Variants in FOXP1 observed in about 807,000 individuals in gnomAD.
The protein encoded by FOXP1 is forkhead box protein P1.
FOXP1 carries 15 observed loss-of-function variants against 98.2 expected under a neutral mutation model. The observed-to-expected ratio is 0.15, with a 90% confidence interval of 0.10 to 0.24. The LOEUF is 0.24. Among genes scored for constraint, FOXP1 ranks in the 10% least tolerant of loss-of-function variants. The probability of loss-of-function intolerance (pLI) is 1.00; values close to 1 mark genes in which losing one functional copy is unlikely to be tolerated. For synonymous variants in FOXP1, 371 were observed against 314.5 expected (o/e 1.18, Z -1.90); for missense variants, 633 against 848.5 (o/e 0.75, Z 3.15).
chr3:71,322,216 G>A (rs185019203), intron 4 of FOXP1, among the ~76,000 whole-genome samples: 8 of 152,288 alleles, frequency 5.3e-5, no homozygotes, highest in African/African-American at 1.7e-4. Context: ...CTGCCCTCAA[G>A]AAGCTCATAT....
At chr3:71,476,621 G>A (rs1047201475) in intron 3 of FOXP1, among the ~76,000 whole-genome samples, 12 of 151,794 alleles carry the variant, frequency 7.9e-5, no homozygotes, top group East Asian at 5.8e-4. Context: ...CTCCTGAGGA[G>A]CTGGGATTAC....
chr3:71,259,281 C>T lies in FOXP1; in HGVS notation c.-12+40539G>A, dbSNP rs1170466410. ...ACAGACAAGCTACAGTGTGACCTTG[C>T]AGAGCTCACTTCACCTCTCTGTGTC... On this transcript the variant is annotated intron_variant, in intron 5 of 20. Transcript: ENST00000649528. 2.0e-5 allele frequency among the ~76,000 whole-genome samples: 3 copies of T among 152,208 alleles called. No homozygotes were observed. In the East Asian group the frequency reaches 5.8e-4, roughly 29 times the overall value.
chr3:71,294,278 G>C (rs1157871451), intron 5 of FOXP1, among the ~76,000 whole-genome samples: 5 of 152,182 alleles, frequency 3.3e-5, no homozygotes, highest in Admixed American at 2.6e-4. Flanking sequence ...TTATATCTCA[G>C]TAATTCTGTT....
chr3:71,129,087 A>C (rs1365249994), intron 6 of FOXP1, among the ~76,000 whole-genome samples: 1 of 152,132 alleles, frequency 6.6e-6, no homozygotes, highest in Non-Finnish European at 1.5e-5. Context: ...AAACAAAACG[A>C]GCGAGCTGGG....
chr3:71,187,170 T>C (rs1019413206), intron 6 of FOXP1, among the ~76,000 whole-genome samples: 1 of 152,276 alleles, frequency 6.6e-6, no homozygotes, highest in African/African-American at 2.4e-5. Context: ...TTTAAAATTA[T>C]GTACAGAATG....
chr3:71,205,286 T>C (rs749709039), intron 5 of FOXP1, among the ~76,000 whole-genome samples: 1 of 152,158 alleles, frequency 6.6e-6, no homozygotes, highest in Non-Finnish European at 1.5e-5. Flanking sequence ...AAAGCAGTAA[T>C]ATGAGGGCCA....
At chr3:71,020,045 G>A (rs544788258) in intron 11 of FOXP1, among the ~76,000 whole-genome samples, 119 of 152,116 alleles carry the variant, frequency 7.8e-4, no homozygotes, top group Non-Finnish European at 1.5e-3. Context: ...AGAAACTATC[G>A]TTATGACACT....
At chr3:71,475,358 G>A (rs763372280) in intron 3 of FOXP1, among the ~76,000 whole-genome samples, 9 of 152,092 alleles carry the variant, frequency 5.9e-5, no homozygotes, top group Non-Finnish European at 1.0e-4. Context: ...CAGAAAATAC[G>A]TTTGGTCTCA....
intron 3 of FOXP1, among the ~76,000 whole-genome samples, chr3:71,389,083 A>C (rs938986925): frequency 1.3e-5 from 2 of 152,092 alleles, no homozygotes; most frequent in Non-Finnish European, 2.9e-5. Context: ...AAAATTTAGT[A>C]TTTGTGTACT....
At chr3:71,101,560 A>G (rs1432591459) in intron 7 of FOXP1, among the ~76,000 whole-genome samples, 1 of 152,124 alleles carries the variant, frequency 6.6e-6, no homozygotes, top group African/African-American at 2.4e-5. Flanking sequence ...AGAAGGCCAG[A>G]CAGGTTAGAA....
intron 5 of FOXP1, among the ~76,000 whole-genome samples, chr3:71,281,284 C>T (rs1164420220): frequency 6.6e-6 from 1 of 151,936 alleles, no homozygotes; most frequent in East Asian, 1.9e-4. Context: ...TGGAGTTTTC[C>T]GAGAAAGGGT....
chr3:71,376,404 C>T (rs1053579047), intron 3 of FOXP1, among the ~76,000 whole-genome samples: 5 of 152,196 alleles, frequency 3.3e-5, no homozygotes, highest in African/African-American at 1.2e-4. Flanking sequence ...TTAGTACTTA[C>T]AGTTCAGACT....
At chr3:71,268,676 G>A (rs2070002678) in intron 5 of FOXP1, among the ~76,000 whole-genome samples, 1 of 152,180 alleles carries the variant, frequency 6.6e-6, no homozygotes, top group African/African-American at 2.4e-5. Context: ...TTAGTCCCCT[G>A]ATTCTGTCCC....
chr3:71,569,109 C>T (rs1461060768), intron 2 of FOXP1, among the ~76,000 whole-genome samples: 1 of 152,124 alleles, frequency 6.6e-6, no homozygotes, highest in African/African-American at 2.4e-5. Flanking sequence ...CACTTCATCC[C>T]TAATACATGC....
chr3:71,548,114 C>T (rs777973363), intron 2 of FOXP1, among the ~76,000 whole-genome samples: 1 of 152,150 alleles, frequency 6.6e-6, no homozygotes, highest in Non-Finnish European at 1.5e-5. Context: ...GACAGGAATT[C>T]CAGCATGGAC....
chr3:71,425,244 T>C (rs2084046962), intron 3 of FOXP1, among the ~76,000 whole-genome samples: 1 of 152,216 alleles, frequency 6.6e-6, no homozygotes, highest in Non-Finnish European at 1.5e-5. Context: ...GCCTCCTGCG[T>C]AGCTGGGATT....
At chr3:71,499,212 G>C (rs552003505) in intron 2 of FOXP1, among the ~76,000 whole-genome samples, 1 of 152,254 alleles carries the variant, frequency 6.6e-6, no homozygotes, top group South Asian at 2.1e-4. Flanking sequence ...AACCCTGCCA[G>C]GCAGCTCTCT....
At chr3:71,359,848 A>C (rs1460903307) in intron 3 of FOXP1, among the ~76,000 whole-genome samples, 1 of 152,128 alleles carries the variant, frequency 6.6e-6, no homozygotes, top group Non-Finnish European at 1.5e-5. Flanking sequence ...AGAGGAGTGC[A>C]GTGGCATGAT....
At chr3:71,555,088 T>C (rs1055106687) in intron 2 of FOXP1, among the ~76,000 whole-genome samples, 1 of 152,176 alleles carries the variant, frequency 6.6e-6, no homozygotes, top group African/African-American at 2.4e-5. Flanking sequence ...CTTTACCAAA[T>C]GATAAAAATA....
Sources: gnomAD v4.1 joint callset for allele counts (sites outside exome capture counted in the v4.1 genomes callset) on GRCh38, gnomAD v4.1.1 for gene constraint, MANE v1.5 for transcripts, NCBI Gene and HGNC (gene_info 2026-07-23, HGNC 2026-07-21) for gene names.